The following SCYL3 variants were observed in gnomAD, a reference collection of about 807,000 sequenced individuals.
The protein encoded by SCYL3 is protein-associating with the carboxyl-terminal domain of ezrin.
SCYL3 carries 35 observed loss-of-function variants against 73.8 expected under a neutral mutation model. The ratio of observed to expected loss-of-function variants is 0.47; its 90% CI spans 0.36 to 0.63. The LOEUF is 0.63. Among genes scored for constraint, SCYL3 ranks in the 20% least tolerant of loss-of-function variants. SCYL3 has a pLI of 0.00. For synonymous variants in SCYL3, 277 were observed against 295.2 expected (o/e 0.94, Z 0.63); for missense variants, 712 against 798.9 (o/e 0.89, Z 1.31).
rs186194130 is a variant in SCYL3 at position 169,884,852 on chromosome 1, C to T, written c.165+3824G>A. Among the ~76,000 whole-genome samples the T allele has an allele frequency of 4.2e-3, 647 of 152,334 alleles. 2 individuals carry two copies. The highest frequency in any genetic ancestry group is 0.014 in the African/African-American group (596 of 41,580). On this transcript the variant is annotated intron_variant, in intron 2 of 12. Transcript: ENST00000367771. The stretch of plus-strand genomic sequence containing the variant: ...TTAACTTAGCAAGAACCTTATTTCT[C>T]ACTCTCCTTTGGTACATTTAATATT...
Position 169,888,670 on chromosome 1 carries a change from T to C in SCYL3, c.165+6A>G, listed in dbSNP as rs1238659874. 6.2e-7 allele frequency: 1 copy of C among 1,612,110 alleles called. No homozygotes were observed. The highest frequency in any genetic ancestry group is 1.7e-4 in the Middle Eastern group (1 of 6,056). On this transcript the variant is annotated splice_donor_region_variant and intron_variant, in intron 2 of 12. Coordinates refer to ENST00000367771, the MANE Select transcript of SCYL3 (RefSeq NM_020423.7). Reference sequence around the variant, plus strand: ...CTAACTATTAAGTCGTCACCTATTATGGTACCTTGGCAGCTTTATTAACCT... The same window carrying C: ...CTAACTATTAAGTCGTCACCTATTACGGTACCTTGGCAGCTTTATTAACCT...
chr1:169,888,334 C>T (rs1661818777), intron 2 of SCYL3, among the ~76,000 whole-genome samples: 1 of 152,236 alleles, frequency 6.6e-6, no homozygotes, highest in Non-Finnish European at 1.5e-5. Flanking sequence ...CAATACTTAA[C>T]TGCATTTTGC....
chr1:169,864,637 A>G, intron 8 of SCYL3, 129 bp from the exon 9 acceptor site: 1 of 978,472 alleles, frequency 1.0e-6, no homozygotes, highest in Non-Finnish European at 1.5e-6. Flanking sequence ...GAGATAGAGA[A>G]GGTGAACAGA....
At chr1:169,892,039 T>G (rs993462921) in intron 1 of SCYL3, among the ~76,000 whole-genome samples, 1 of 152,228 alleles carries the variant, frequency 6.6e-6, no homozygotes, top group Non-Finnish European at 1.5e-5. Flanking sequence ...TTTTCTTGTT[T>G]TGAAAGCATG....
intron 9 of SCYL3, 127 bp downstream of exon 9, chr1:169,864,242 C>A: frequency 8.0e-7 from 1 of 1,252,158 alleles, no homozygotes; most frequent in Non-Finnish European, 1.1e-6. Flanking sequence ...CATCAGGGGC[C>A]AACAATTGTT....
At chr1:169,855,288 G>C (rs1396232902) in intron 11 of SCYL3, among the ~76,000 whole-genome samples, 2 of 152,172 alleles carry the variant, frequency 1.3e-5, no homozygotes, top group African/African-American at 4.8e-5. Flanking sequence ...TGTTATCCTT[G>C]GGATGTTTGT....
chr1:169,856,168 G>A (rs1162690427), intron 11 of SCYL3, among the ~76,000 whole-genome samples: 1 of 152,182 alleles, frequency 6.6e-6, no homozygotes, highest in Non-Finnish European at 1.5e-5. Context: ...AACAGGCTGT[G>A]TCCACTCCAT....
intron 7 of SCYL3, among the ~76,000 whole-genome samples, chr1:169,867,200 A>C (rs1333347340): frequency 6.6e-6 from 1 of 152,248 alleles, no homozygotes; most frequent in Non-Finnish European, 1.5e-5. Context: ...ATACAAGTTT[A>C]AACACACATA....
chr1:169,880,516 G>GA lies in SCYL3; in HGVS notation c.166-1698dup, dbSNP rs1284684142. 2.0e-5 allele frequency among the ~76,000 whole-genome samples: 2 copies of GA among 102,374 alleles called. 1 individual carries two copies. The highest frequency in any genetic ancestry group is 4.9e-5 in the Non-Finnish European group (2 of 41,092). 67.2% of individuals were successfully genotyped at this position (102,374 alleles called of 152,430 possible). On this transcript the variant is annotated intron_variant, in intron 2 of 12. Coordinates refer to ENST00000367771, the MANE Select transcript of SCYL3 (RefSeq NM_020423.7). ...ATGAAACATGTTTAAAATGCTGAAA[G>GA]AAAAAACTATCAGCTTGGAATACTG...
chr1:169,850,317 A>G lies in SCYL3; in HGVS notation c.*3396T>C, dbSNP rs772724863. On this transcript the variant is annotated 3_prime_UTR_variant, in exon 13 of 13. Coordinates refer to ENST00000367771, the MANE Select transcript of SCYL3 (RefSeq NM_020423.7). Reference sequence around the variant, plus strand: ...CAGTGTCTCAGTTCTGAAGAAACTAAGAACAAAGTTGTATCCTTTCTGGAG... The same window carrying G: ...CAGTGTCTCAGTTCTGAAGAAACTAGGAACAAAGTTGTATCCTTTCTGGAG... The G allele has an allele frequency of 1.2e-6, 2 of 1,611,032 alleles. No homozygotes were observed. The highest frequency in any genetic ancestry group is 1.7e-5 in the Admixed American group (1 of 59,996).
intron 11 of SCYL3, among the ~76,000 whole-genome samples, chr1:169,856,596 C>T (rs939843335): frequency 6.6e-6 from 1 of 152,168 alleles, no homozygotes; most frequent in Non-Finnish European, 1.5e-5. Flanking sequence ...CCCCCCTCCT[C>T]ACCCCAGCAC....
At position 169,854,814 on chromosome 1, in the gene SCYL3, G is replaced by A; in HGVS notation, c.1463C>T (p.Thr488Ile). Reference protein sequence around the residue: ...WSEPEEPENQTVNIQIWPREP... With the variant: ...WSEPEEPENQIVNIQIWPREP... ...TCTAGGCCAAATCTGTATGTTGACA[G>A]TTTGATTTTCAGGCTCCTCAGGTTC... The change falls in exon 12 of 13, where the codon ACT becomes ATT. Residue 488 changes from threonine to isoleucine, a missense_variant. Around this residue, in one of 2 missense-constraint regions of SCYL3, gnomAD observed 370 missense variants for 350.8 expected, o/e 1.05. Transcript: ENST00000367771. The A allele has an allele frequency of 1.2e-6, 2 of 1,614,028 alleles. No individual in the cohort carries two copies. Among genetic ancestry groups the A allele is most frequent in the African/African-American group, 1.3e-5 (1 of 75,004 alleles).
Position 169,852,948 on chromosome 1 carries a change from G to A in SCYL3, c.*765C>T, listed in dbSNP as rs367920603. The A allele has an allele frequency of 2.5e-6, 4 of 1,613,940 alleles. No homozygotes were observed. The African/African-American group carries it at 5.3e-5, about 22-fold the overall frequency. ...TGGAAATGGAGGCGCTCCAAGAAAG[G>A]ATGGATAAGCTAAAACGTTACATAC... is the stretch of plus-strand genomic sequence containing the variant. On this transcript the variant is annotated 3_prime_UTR_variant, in exon 13 of 13. Transcript: ENST00000367771.
intron 11 of SCYL3, among the ~76,000 whole-genome samples, chr1:169,857,645 T>C (rs564501756): frequency 6.6e-6 from 1 of 152,238 alleles, no homozygotes; most frequent in Non-Finnish European, 1.5e-5. Context: ...TAGACTTCTA[T>C]GTATTGGGAG....
In SCYL3 at chr1:169,853,907, C is replaced by CTT. The variant is rs1010849098; in HGVS notation, c.2008-137_2008-136dup. On this transcript the variant is annotated intron_variant, in intron 12 of 12. Transcript: ENST00000367771. ...CACTACCTCGTACTAAGTAAAATAA[C>CTT]TTAGAGCTCTAACAGAAAGTTGAAA... 1.7e-4 allele frequency: 155 copies of CTT among 935,026 alleles called. No homozygotes were observed. The East Asian group carries it at 1.9e-3, about 11-fold the overall frequency. 57.9% of individuals were successfully genotyped at this position (935,026 alleles called of 1,614,324 possible).
intron 2 of SCYL3, among the ~76,000 whole-genome samples, chr1:169,884,517 C>CA (rs1661536062): frequency 6.6e-6 from 1 of 152,024 alleles, no homozygotes; most frequent in Non-Finnish European, 1.5e-5. Context: ...AGGCTGGTCT[C>CA]AAACTCCTGA....
At chr1:169,888,652 T>C in intron 2 of SCYL3, 24 bp downstream of exon 2, 1 of 1,593,478 alleles carries the variant, frequency 6.3e-7, no homozygotes, top group African/African-American at 1.3e-5. Context: ...GTACTAACTA[T>C]TAAGTCGTCA....
chr1:169,854,843 C>A lies in SCYL3; in HGVS notation c.1434G>T (p.Trp478Cys). The change falls in exon 12 of 13, where the codon TGG (tryptophan) becomes TGT (cysteine). Residue 478 changes from tryptophan to cysteine, a missense_variant. Coordinates refer to ENST00000367771, the MANE Select transcript of SCYL3 (RefSeq NM_020423.7). ...GATTTTCAGGCTCCTCAGGTTCACT[C>A]CAGTCAGGCCACTCCTCAGACTTTT... ...SSKKSEEWPD[W>C]SEPEEPENQT... The A allele has an allele frequency of 6.2e-7, 1 of 1,614,008 alleles. No individual in the cohort carries two copies. The highest frequency in any genetic ancestry group is 8.5e-7 in the Non-Finnish European group (1 of 1,179,938).
chr1:169,866,992 A>C lies in SCYL3; in HGVS notation c.738-19T>G. The C allele has an allele frequency of 7.2e-7, 1 of 1,389,638 alleles. No individual in the cohort carries two copies. Among genetic ancestry groups the C allele is most frequent in the Non-Finnish European group, 1.0e-6 (1 of 982,324 alleles). 86.1% of individuals were successfully genotyped at this position (1,389,638 alleles called of 1,614,324 possible). ...ATCATTTCTAAATGCCAAAAAGAGA[A>C]GGAATTCAGCAGAACAGATTAGAGA... On this transcript the variant is annotated intron_variant, in intron 7 of 12. Coordinates refer to ENST00000367771, the MANE Select transcript of SCYL3 (RefSeq NM_020423.7).
Sources: gnomAD v4.1 joint callset for allele counts (sites outside exome capture counted in the v4.1 genomes callset) on GRCh38, gnomAD v4.1.1 for gene constraint, gnomAD v4.1.1 regional missense constraint, MANE v1.5 for transcripts, NCBI Gene and HGNC (gene_info 2026-07-23, HGNC 2026-07-21) for gene names.